Variants in CLDN15 observed in about 807,000 individuals in gnomAD.
The protein encoded by CLDN15 is claudin-15.
A neutral mutation model predicts 24.5 loss-of-function variants in CLDN15; 9 were observed. The observed-to-expected ratio is 0.37, with a 90% CI of 0.22 to 0.64. The LOEUF is 0.64. Among genes scored for constraint, CLDN15 ranks in the 30% least tolerant of loss-of-function variants. The probability of loss-of-function intolerance (pLI) is 0.63; values close to 1 mark genes in which losing one functional copy is unlikely to be tolerated. For synonymous variants in CLDN15, 149 were observed against 131.4 expected, an observed-to-expected ratio of 1.13 and a Z score of -0.92; for missense variants, 248 against 305.9, an observed-to-expected ratio of 0.81 and a Z score of 1.41.
Position 101,232,521 on chromosome 7 carries a change from G to A in CLDN15, c.582-6C>T, listed in dbSNP as rs1474510796. 3 of 1,606,342 alleles carry A rather than the reference G, an allele frequency of 1.9e-6. No individual in the cohort carries two copies. The African/African-American group carries it at 4.0e-5, about 21-fold the overall frequency. On this transcript the variant is annotated splice_region_variant and splice_polypyrimidine_tract_variant and intron_variant, in intron 4 of 4. Coordinates refer to ENST00000308344, the MANE Select transcript of CLDN15 (RefSeq NM_014343.3). ...CCTGGTAGGGCCGCCGGGCGCTGCGGGGAGGGCCCGGGGTCAGAGCGGGGG... is the reference window on the plus strand; with the variant it reads ...CCTGGTAGGGCCGCCGGGCGCTGCGAGGAGGGCCCGGGGTCAGAGCGGGGG...
intron 1 of CLDN15, among the ~76,000 whole-genome samples, chr7:101,235,692 G>A (rs1584267413): frequency 1.3e-5 from 2 of 152,182 alleles, no homozygotes; most frequent in East Asian, 3.9e-4. Context: ...GAGTCGGGGG[G>A]TAGGCAGGAG....
upstream of CLDN15, chr7:101,238,746 C>G (rs973872359): frequency 2.0e-5 from 3 of 152,290 alleles, no homozygotes; most frequent in Non-Finnish European, 4.4e-5. Flanking sequence ...TCCCAGTTAT[C>G]AGGGACTGTC....
rs200441148 is a variant in CLDN15 at position 101,234,303 on chromosome 7, G to A, written c.357C>T (p.Thr119=). The change falls in exon 2 of 5, where the codon ACC becomes ACT. Residue 119 remains threonine (T), a synonymous_variant. Transcript: ENST00000308344. ...CGGCCAGAATGTGGAGGGCCCCTGC[G>A]GTGGCCGCCAGCTTGGCTTTCCTGG... is the stretch of plus-strand genomic sequence containing the variant. ...ELSRKAKLAA[T]AGALHILAGI... 4.0e-5 allele frequency: 64 copies of A among 1,608,940 alleles called. No individual in the cohort carries two copies. The highest frequency in any genetic ancestry group is 4.1e-5 in the Non-Finnish European group (48 of 1,179,578).
chr7:101,234,096 G>C, intron 2 of CLDN15, 182 bp downstream of exon 2: 1 of 730,994 alleles, frequency 1.4e-6, no homozygotes. Context: ...CTGCCGATGG[G>C]CTGATTTGCA....
Position 101,232,716 on chromosome 7 carries a change from C to T in CLDN15, c.469G>A (p.Glu157Lys). ...CCCAGGTAGAGGGCGGGGCCCAGCT[C>T]GTACCTGCGCACAAGGGCGGCGCGG... ...FDPLYPGTKY[E>K]LGPALYLGWS... is the part of the protein sequence containing the mutation. The change falls in exon 4 of 5, where the codon GAG (glutamate) becomes AAG (lysine). Residue 157 changes from glutamate to lysine, a missense_variant. By Grantham distance (56) the Glu-to-Lys change is moderately conservative. Coordinates refer to ENST00000308344, the MANE Select transcript of CLDN15 (RefSeq NM_014343.3). 2.5e-6 allele frequency: 4 copies of T among 1,594,972 alleles called. No individual in the cohort carries two copies. The highest frequency in any genetic ancestry group is 3.4e-6 in the Non-Finnish European group (4 of 1,170,794).
chr7:101,233,764 ATTTTTTTTT>A (rs746861741), intron 2 of CLDN15: 45 of 88,544 alleles, frequency 5.1e-4, no homozygotes, highest in Middle Eastern at 7.1e-3. Context: ...CGCCTGGCTA[ATTTTTTTTT>A]TTTTTTTTTT....
At position 101,236,070 on chromosome 7, in the gene CLDN15, C is replaced by T. The variant is rs376575915; in HGVS notation, c.217+1295G>A. On this transcript the variant is annotated intron_variant, in intron 1 of 4. Coordinates refer to ENST00000308344, the MANE Select transcript of CLDN15 (RefSeq NM_014343.3). ...ACCCTCTACCCCTGTGCCCTGGGGACTCTGGCACCATCTTTCATGCAGTTG... is the reference window on the plus strand; with the variant it reads ...ACCCTCTACCCCTGTGCCCTGGGGATTCTGGCACCATCTTTCATGCAGTTG... 3.9e-5 allele frequency among the ~76,000 whole-genome samples: 6 copies of T among 152,312 alleles called. No homozygotes were observed. The South Asian group carries it at 6.2e-4, about 16-fold the overall frequency.
intron 1 of CLDN15, among the ~76,000 whole-genome samples, chr7:101,234,952 G>T (rs1798595161): frequency 2.0e-5 from 3 of 152,016 alleles, no homozygotes; most frequent in Non-Finnish European, 4.4e-5. Context: ...TCTATTCTGG[G>T]GGCCGTCCTG....
Position 101,237,667 on chromosome 7 carries a change from G to A in CLDN15, c.-86C>T. 2.1e-6 allele frequency: 2 copies of A among 964,286 alleles called. No individual in the cohort carries two copies. Among genetic ancestry groups the A allele is most frequent in the South Asian group, 1.4e-5 (1 of 73,134 alleles). The allele number at this position is 964,286 out of a possible 1,614,324, so 59.7% of individuals were successfully genotyped here. On this transcript the variant is annotated 5_prime_UTR_variant, in exon 1 of 5. Transcript: ENST00000308344. The surrounding 1 kb of genome is among the most constrained non-coding windows in gnomAD (Gnocchi z 4.0). Reference sequence around the variant, plus strand: ...GGGAACTGGAAGGGGCTGCGGCTAAGGAGGGTTGTCCAGGCAGGCTGGGGT... The same window carrying A: ...GGGAACTGGAAGGGGCTGCGGCTAAAGAGGGTTGTCCAGGCAGGCTGGGGT...
chr7:101,237,438 G>C lies in CLDN15; in HGVS notation c.144C>G (p.Leu48=). 6.2e-7 allele frequency: 1 copy of C among 1,614,024 alleles called. No individual in the cohort carries two copies. The highest frequency in any genetic ancestry group is 1.3e-5 in the African/African-American group (1 of 75,054). ...GGGAGTCGGTGGCACAGCTAAACCA[G>C]AGGTTCTCGAAGATGGTGTTGGTGG... ...VITTNTIFEN[L]WFSCATDSLG... Residue 48 remains leucine, a synonymous_variant, in exon 1 of 5, where the codon CTC becomes CTG. Coordinates refer to ENST00000308344, the MANE Select transcript of CLDN15 (RefSeq NM_014343.3). This position sits in a 1 kb window ranked among gnomAD's most constrained non-coding sequence, Gnocchi z 4.0.
In CLDN15 at chr7:101,232,711, C is replaced by A. The variant is rs750529539; in HGVS notation, c.474G>T (p.Leu158=). The A allele has an allele frequency of 6.3e-7, 1 of 1,595,048 alleles. No homozygotes were observed. Among genetic ancestry groups the A allele is most frequent in the South Asian group, 1.1e-5 (1 of 89,024 alleles). ...DPLYPGTKYE[L]GPALYLGWSA... is the part of the protein sequence containing the mutation. The stretch of plus-strand genomic sequence containing the variant: ...TCCACCCCAGGTAGAGGGCGGGGCC[C>A]AGCTCGTACCTGCGCACAAGGGCGG... The change falls in exon 4 of 5, where the codon CTG becomes CTT. Residue 158 remains leucine, a synonymous_variant. Transcript: ENST00000308344.
intron 1 of CLDN15, chr7:101,236,902 C>A (rs1798637553): frequency 9.6e-7 from 1 of 1,039,018 alleles, no homozygotes; most frequent in African/African-American, 1.6e-5. Context: ...AGTTGATCAA[C>A]CTCTAAGAAT....
At position 101,237,384 on chromosome 7, in the gene CLDN15, C is replaced by T. The variant is rs367748230; in HGVS notation, c.198G>A (p.Pro66=). The change falls in exon 1 of 5, where the codon CCG becomes CCA. Residue 66 remains proline, a synonymous_variant. Transcript: ENST00000308344. The surrounding 1 kb of genome is among the most constrained non-coding windows in gnomAD (Gnocchi z 4.0). The part of the protein sequence containing the change: ...SLGVYNCWEF[P]SMLALSGYIQ... ...CCATACCAGAGAGGGCCAGCATGGA[C>T]GGGAACTCCCAGCAGTTGTAGACGC... 5.6e-5 allele frequency: 91 copies of T among 1,611,000 alleles called. No individual in the cohort carries two copies. The African/African-American group carries it at 8.0e-4, about 14-fold the overall frequency.
At chr7:101,232,547 CGCGGCCCT>C (rs1554382290) in intron 4 of CLDN15, 32 bp from the exon 5 acceptor site, 13 of 1,593,550 alleles carry the variant, frequency 8.2e-6, no homozygotes, top group Non-Finnish European at 1.1e-5. Context: ...AGAGCGGGGG[CGCGGCCCT>C]CCTCTCTCCA....
chr7:101,237,591 C>T lies in CLDN15; in HGVS notation c.-10G>A, dbSNP rs536535556. The T allele has an allele frequency of 7.5e-6, 12 of 1,608,894 alleles. No homozygotes were observed. The African/African-American group carries it at 1.1e-4, about 14-fold the overall frequency. ...CCACAGCCATCGACATGGTGGGATG[C>T]AGGACCCTGGGGGGCTGGTGCCCCA... On this transcript the variant is annotated 5_prime_UTR_variant, in exon 1 of 5. Transcript: ENST00000308344. This position sits in a 1 kb window ranked among gnomAD's most constrained non-coding sequence, Gnocchi z 4.0.
Position 101,237,649 on chromosome 7 carries a change from G to A in CLDN15, c.-68C>T. ...GGAGGGGCAGAACCCCTAGGGAACT[G>A]GAAGGGGCTGCGGCTAAGGAGGGTT... On this transcript the variant is annotated 5_prime_UTR_variant, in exon 1 of 5. Coordinates refer to ENST00000308344, the MANE Select transcript of CLDN15 (RefSeq NM_014343.3). This position sits in a 1 kb window ranked among gnomAD's most constrained non-coding sequence, Gnocchi z 4.0. 8.6e-7 allele frequency: 1 copy of A among 1,158,718 alleles called. No homozygotes were observed. Among genetic ancestry groups the A allele is most frequent in the South Asian group, 1.3e-5 (1 of 78,982 alleles). 71.8% of individuals were successfully genotyped at this position (1,158,718 alleles called of 1,614,324 possible).
At chr7:101,236,046 C>T (rs867051682) in intron 1 of CLDN15, among the ~76,000 whole-genome samples, 7 of 152,302 alleles carry the variant, frequency 4.6e-5, no homozygotes, top group Admixed American at 1.3e-4. Context: ...AACCTGGTCA[C>T]CCTCTACCCC....
upstream of CLDN15, chr7:101,238,391 G>T (rs957630936): frequency 6.6e-6 from 1 of 152,648 alleles, no homozygotes; most frequent in Middle Eastern, 3.4e-3. Context: ...TGCAGGGGCT[G>T]TGGTGAGAAC....
chr7:101,237,566 C>T lies in CLDN15; in HGVS notation c.16G>A (p.Glu6Lys). The change falls in exon 1 of 5, where the codon GAA becomes AAA. Residue 6 changes from glutamate (E) to lysine (K), a missense_variant. By Grantham distance (56) the Glu-to-Lys change is moderately conservative. Coordinates refer to ENST00000308344, the MANE Select transcript of CLDN15 (RefSeq NM_014343.3). The surrounding 1 kb of genome is among the most constrained non-coding windows in gnomAD (Gnocchi z 4.0). ...GTTGCCATGAAGAAGCCAAAGGTTT[C>T]CACAGCCATCGACATGGTGGGATGC... Reference protein sequence around the residue: MSMAVETFGFFMATVG... With the variant: MSMAVKTFGFFMATVG... 6.2e-7 allele frequency: 1 copy of T among 1,614,036 alleles called. No individual in the cohort carries two copies. Among genetic ancestry groups the T allele is most frequent in the South Asian group, 1.1e-5 (1 of 91,066 alleles).
Sources: allele counts gnomAD v4.1 joint callset (sites outside exome capture counted in the v4.1 genomes callset), GRCh38; gene constraint gnomAD v4.1.1; non-coding constraint Gnocchi (gnomAD v3.1); transcripts MANE v1.5; gene names NCBI Gene and HGNC (gene_info 2026-07-23, HGNC 2026-07-21).